LNX1: variants seen among roughly 807,000 people sequenced by gnomAD.
LNX1 encodes E3 ubiquitin-protein ligase LNX.
LNX1 carries 54 observed loss-of-function variants against 68.4 expected under a neutral mutation model. The observed-to-expected ratio is 0.79, with a 90% CI of 0.63 to 0.99. LNX1 has a LOEUF of 0.99. LNX1 is among the 50% of genes least tolerant of loss of function. LNX1 has a pLI of 0.00. For missense variants in LNX1, 906 were observed against 926.4 expected (o/e 0.98, Z 0.29); for synonymous variants, 336 against 350.0 (o/e 0.96, Z 0.45).
intron 2 of LNX1, among the ~76,000 whole-genome samples, chr4:53,511,506 C>T (rs1337270249): frequency 6.6e-6 from 1 of 152,122 alleles, no homozygotes; most frequent in Non-Finnish European, 1.5e-5. Context: ...CACAGAAAAC[C>T]CCTTTTCAAC....
intron 1 of LNX1, among the ~76,000 whole-genome samples, chr4:53,633,325 T>A (rs542302528): frequency 6.6e-6 from 1 of 152,324 alleles, no homozygotes; most frequent in Admixed American, 6.5e-5. Context: ...TCCTCTTTGG[T>A]CCCCCATGCA....
intron 4 of LNX1, among the ~76,000 whole-genome samples, chr4:53,504,585 C>T (rs1410341901): frequency 6.6e-6 from 1 of 152,232 alleles, no homozygotes; most frequent in East Asian, 1.9e-4. Context: ...TTTTCCTTTG[C>T]ATTAATAACT....
chr4:53,555,360 T>C (rs1729834261), intron 2 of LNX1, among the ~76,000 whole-genome samples: 1 of 152,156 alleles, frequency 6.6e-6, no homozygotes, highest in Non-Finnish European at 1.5e-5. Flanking sequence ...TACCCGTTTC[T>C]GCCTCATTCC....
At chr4:53,576,218 C>T (rs1021323932) in intron 1 of LNX1, 3 of 1,600,982 alleles carry the variant, frequency 1.9e-6, no homozygotes, top group African/African-American at 2.7e-5. Context: ...AGTGCCCTGG[C>T]TCGCTTCCTG....
intron 1 of LNX1, among the ~76,000 whole-genome samples, chr4:53,574,733 A>T (rs1731378647): frequency 6.6e-6 from 1 of 152,232 alleles, no homozygotes; most frequent in South Asian, 2.1e-4. Flanking sequence ...CTGTTTTCAC[A>T]TCTGTAAAAT....
At chr4:53,643,398 C>T (rs1734763688) in intron 1 of LNX1, among the ~76,000 whole-genome samples, 2 of 152,210 alleles carry the variant, frequency 1.3e-5, no homozygotes, top group Non-Finnish European at 2.9e-5. Context: ...GATCCTCCCA[C>T]CTTGGCCTTC....
At position 53,520,573 on chromosome 4, in the gene LNX1, T is replaced by C. The variant is rs7659449; in HGVS notation, c.381-12346A>G. Among the ~76,000 whole-genome samples the C allele has an allele frequency of 3.0e-3, 462 of 152,338 alleles. 1 individual carries two copies. Among genetic ancestry groups the C allele is most frequent in the African/African-American group, 9.2e-3 (384 of 41,584 alleles). On this transcript the variant is annotated intron_variant, in intron 2 of 10. Coordinates refer to ENST00000263925, the MANE Select transcript of LNX1 (RefSeq NM_001126328.3). ...GATGATTTGAGTTTTCTGTTATCTG[T>C]CCATGCATTCAAGTGTGTATGTGAT...
At position 53,507,496 on chromosome 4, in the gene LNX1, T is replaced by C. The variant is rs762485003; in HGVS notation, c.623-27A>G. The C allele has an allele frequency of 3.7e-6, 6 of 1,607,596 alleles. No homozygotes were observed. The Admixed American group carries it at 1.0e-4, about 27-fold the overall frequency. ...TGAGGAATAGCGACAGGAGGAACAG[T>C]AGTTATGATTTAATAGAAATAATCA... is the stretch of plus-strand genomic sequence containing the variant. On this transcript the variant is annotated intron_variant, in intron 3 of 10. Transcript: ENST00000263925.
intron 2 of LNX1, among the ~76,000 whole-genome samples, chr4:53,535,602 T>C (rs190014749): frequency 6.6e-6 from 1 of 152,362 alleles, no homozygotes; most frequent in African/African-American, 2.4e-5. Flanking sequence ...AGGTAAATGT[T>C]ACTATCAATT....
At chr4:53,606,227 A>G (rs1216943180) in intron 2 of LNX1, among the ~76,000 whole-genome samples, 5 of 152,160 alleles carry the variant, frequency 3.3e-5, no homozygotes, top group Non-Finnish European at 4.4e-5. Context: ...CCAAATAAAC[A>G]CAATCAGAAA....
chr4:53,478,654 C>T lies in LNX1; in HGVS notation c.1574G>A (p.Gly525Glu). ...GESLGMTVAG[G>E]ASHREWDLPI... ...CAAATCCCATTCTCTATGTGATGCT[C>T]CCCCTGCGACGGTCATGCCGAGAGA... Residue 525 changes from glycine (G) to glutamate (E), a missense_variant, in exon 8 of 11, where the codon GGA (glycine) becomes GAA (glutamate). Transcript: ENST00000263925. 6.2e-7 allele frequency: 1 copy of T among 1,614,040 alleles called. No individual in the cohort carries two copies. Among genetic ancestry groups the T allele is most frequent in the Admixed American group, 1.7e-5 (1 of 60,020 alleles).
intron 2 of LNX1, among the ~76,000 whole-genome samples, chr4:53,553,473 G>T (rs191312573): frequency 9.9e-5 from 15 of 152,242 alleles, no homozygotes; most frequent in African/African-American, 2.9e-4. Flanking sequence ...GATATGGGTG[G>T]TCCTCAGAAC....
At chr4:53,626,161 C>T (rs1734067359) in intron 1 of LNX1, among the ~76,000 whole-genome samples, 1 of 152,054 alleles carries the variant, frequency 6.6e-6, no homozygotes, top group Admixed American at 6.6e-5. Context: ...CACATGATTC[C>T]ATTTAAAAGA....
At chr4:53,651,215 T>C (rs1735084503) in intron 1 of LNX1, among the ~76,000 whole-genome samples, 1 of 152,186 alleles carries the variant, frequency 6.6e-6, no homozygotes, top group African/African-American at 2.4e-5. Flanking sequence ...GACTTGTGTA[T>C]CTGAATGCTC....
intron 2 of LNX1, among the ~76,000 whole-genome samples, chr4:53,558,831 A>G (rs1476169386): frequency 6.6e-6 from 1 of 152,138 alleles, no homozygotes; most frequent in South Asian, 2.1e-4. Flanking sequence ...CTTACCTTTG[A>G]AATGGAGCTA....
At chr4:53,599,002 C>T (rs552288576) in intron 2 of LNX1, among the ~76,000 whole-genome samples, 74 of 152,296 alleles carry the variant, frequency 4.9e-4, no homozygotes, top group African/African-American at 1.6e-3. Flanking sequence ...AGGAGTGTTA[C>T]AGATGCAGTT....
intron 9 of LNX1, among the ~76,000 whole-genome samples, chr4:53,464,579 C>T (rs770790071): frequency 6.6e-6 from 1 of 151,790 alleles, no homozygotes; most frequent in Non-Finnish European, 1.5e-5. Flanking sequence ...AGAGAAATGC[C>T]GAGTCCCCAT....
chr4:53,637,594 T>C (rs1164838157), intron 1 of LNX1, among the ~76,000 whole-genome samples: 1 of 152,170 alleles, frequency 6.6e-6, no homozygotes, highest in Non-Finnish European at 1.5e-5. Context: ...GCTTGTTTCA[T>C]TACTACAGAA....
At chr4:53,646,946 A>G (rs1187518750) in intron 1 of LNX1, among the ~76,000 whole-genome samples, 1 of 152,250 alleles carries the variant, frequency 6.6e-6, no homozygotes, top group African/African-American at 2.4e-5. Flanking sequence ...CTGTGTGTTT[A>G]GAAGTGGAGG....
Sources: allele counts gnomAD v4.1 joint callset (sites outside exome capture counted in the v4.1 genomes callset), GRCh38; gene constraint gnomAD v4.1.1; transcripts MANE v1.5; gene names NCBI Gene and HGNC (gene_info 2026-07-23, HGNC 2026-07-21).